Variants in LATS1 observed in about 807,000 individuals in gnomAD.
LATS1 encodes serine/threonine-protein kinase LATS1.
Under a neutral mutation model 106.6 loss-of-function variants are expected in LATS1, and 25 were observed. The observed-to-expected ratio is 0.23, with a 90% CI of 0.17 to 0.33. The LOEUF (loss-of-function observed/expected upper bound fraction) is 0.33, where lower values mean the gene tolerates loss of function less well. Ranked by LOEUF, LATS1 falls within the 10% of genes least tolerant of loss-of-function variation. The pLI is 1.00. For synonymous variants in LATS1, 465 were observed against 455.6 expected (o/e 1.02, Z -0.26); for missense variants, 1,040 against 1,382.6 (o/e 0.75, Z 3.93).
intron 7 of LATS1, 37 bp downstream of exon 7, chr6:149,676,223 T>G: frequency 7.4e-7 from 1 of 1,353,878 alleles, no homozygotes; most frequent in Non-Finnish European, 1.1e-6. Flanking sequence ...TGTAGCAACT[T>G]TGTGAGAATT....
intron 1 of LATS1, among the ~76,000 whole-genome samples, chr6:149,710,043 C>T (rs577164112): frequency 7.5e-4 from 114 of 152,290 alleles, no homozygotes; most frequent in African/African-American, 2.6e-3. Flanking sequence ...ACAACTCTTT[C>T]GACCAACTGC....
intron 7 of LATS1, among the ~76,000 whole-genome samples, chr6:149,673,220 C>T (rs902663601): frequency 4.0e-5 from 6 of 150,840 alleles, no homozygotes; most frequent in Non-Finnish European, 8.8e-5. Flanking sequence ...ACCTCAGCCT[C>T]GTGAGTAGCT....
rs763842133 is a variant in LATS1 at position 149,717,992 on chromosome 6, C to T, written c.-284G>A. On this transcript the variant is annotated 5_prime_UTR_variant, in exon 1 of 8. Coordinates refer to ENST00000543571, the MANE Select transcript of LATS1 (RefSeq NM_004690.4). ...ACGGGGGGGCTGCCGCGGGCCAGCG[C>T]GGCCCGTCCCAGGGGTCGTGAGGAC... 2.7e-5 allele frequency: 10 copies of T among 364,642 alleles called. No homozygotes were observed. The highest frequency in any genetic ancestry group is 1.8e-4 in the South Asian group (10 of 54,358). The allele number at this position is 364,642 out of a possible 1,614,324, so 22.6% of individuals were successfully genotyped here. A position where few individuals can be genotyped will look rare whatever the true frequency, so the allele number is the denominator to read the frequency against.
rs1216041544 is a variant in LATS1, at chr6:149,717,994, G to T, written c.-286C>A. On this transcript the variant is annotated 5_prime_UTR_variant, in exon 1 of 8. Coordinates refer to ENST00000543571, the MANE Select transcript of LATS1 (RefSeq NM_004690.4). Reference sequence around the variant, plus strand: ...GGGGGGGCTGCCGCGGGCCAGCGCGGCCCGTCCCAGGGGTCGTGAGGACCT... The same window carrying T: ...GGGGGGGCTGCCGCGGGCCAGCGCGTCCCGTCCCAGGGGTCGTGAGGACCT... The T allele has an allele frequency of 5.5e-6, 2 of 364,712 alleles. No homozygotes were observed. The highest frequency in any genetic ancestry group is 4.6e-5 in the Admixed American group (1 of 21,652). 22.6% of individuals were successfully genotyped at this position (364,712 alleles called of 1,614,324 possible). A position where few individuals can be genotyped will look rare whatever the true frequency, so the allele number is the denominator to read the frequency against.
At chr6:149,679,555 A>C (rs557556819) in intron 5 of LATS1, among the ~76,000 whole-genome samples, 32 of 152,122 alleles carry the variant, frequency 2.1e-4, no homozygotes, top group African/African-American at 7.5e-4. Context: ...CCATCAAAAA[A>C]AAAAAAAAAA....
At position 149,660,921 on chromosome 6, in the gene LATS1, G is replaced by A; in HGVS notation, c.*808C>T. Reference sequence around the variant, plus strand: ...AAAATAATTATCTGCTTAGGATGGTGAGAAATATTTTAGCTTTTAGTATTG... The same window carrying A: ...AAAATAATTATCTGCTTAGGATGGTAAGAAATATTTTAGCTTTTAGTATTG... On this transcript the variant is annotated 3_prime_UTR_variant, in exon 8 of 8. Coordinates refer to ENST00000543571, the MANE Select transcript of LATS1 (RefSeq NM_004690.4). The A allele has an allele frequency of 4.7e-6, 1 of 211,406 alleles. No individual in the cohort carries two copies. Among genetic ancestry groups the A allele is most frequent in the African/African-American group, 2.3e-5 (1 of 44,198 alleles). The allele number at this position is 211,406 out of a possible 1,614,324, so 13.1% of individuals were successfully genotyped here. A position where few individuals can be genotyped will look rare whatever the true frequency, so the allele number is the denominator to read the frequency against.
At chr6:149,691,564 T>C (rs1782751313) in intron 3 of LATS1, among the ~76,000 whole-genome samples, 1 of 152,192 alleles carries the variant, frequency 6.6e-6, no homozygotes, top group South Asian at 2.1e-4. Context: ...TGAAACACTC[T>C]CTTACTGTGG....
intron 1 of LATS1, among the ~76,000 whole-genome samples, chr6:149,704,380 A>G (rs1057003714): frequency 1.3e-5 from 2 of 152,160 alleles, no homozygotes; most frequent in Non-Finnish European, 2.9e-5. Flanking sequence ...CAAATTCACC[A>G]TACTGTATAC....
intron 2 of LATS1, chr6:149,697,183 C>T (rs765382922): frequency 1.6e-4 from 203 of 1,306,958 alleles, no homozygotes; most frequent in Non-Finnish European, 2.0e-4. Flanking sequence ...GACAGATGAT[C>T]CTCCTATATG....
chr6:149,680,335 T>C lies in LATS1; in HGVS notation c.2133A>G (p.Leu711=). Residue 711 remains leucine (L), a synonymous_variant, in exon 5 of 8, where the codon CTA becomes CTG. Transcript: ENST00000543571. ...DKSMFVKIKT[L]GIGAFGEVCL... is the part of the protein sequence containing the mutation. ...AGACTTCACCAAATGCTCCTATTCCTAGTGTCTTTATCTTCACAAACATAG... is the reference window on the plus strand; with the variant it reads ...AGACTTCACCAAATGCTCCTATTCCCAGTGTCTTTATCTTCACAAACATAG... 3 of 1,613,922 alleles carry C rather than the reference T, an allele frequency of 1.9e-6. No individual in the cohort carries two copies. Among genetic ancestry groups the C allele is most frequent in the Non-Finnish European group, 2.5e-6 (3 of 1,179,952 alleles).
At chr6:149,678,893 TAA>T (rs1781879170) in intron 5 of LATS1, among the ~76,000 whole-genome samples, 1 of 152,156 alleles carries the variant, frequency 6.6e-6, no homozygotes. Context: ...TCAAGGATCA[TAA>T]AGTGTTTAGG....
chr6:149,668,407 T>C (rs1039943209), intron 7 of LATS1, among the ~76,000 whole-genome samples: 5 of 150,952 alleles, frequency 3.3e-5, no homozygotes, highest in Non-Finnish European at 5.9e-5. Flanking sequence ...ACGCTAAATA[T>C]CCAGGTAAAC....
chr6:149,687,578 C>A (rs1018500483), intron 3 of LATS1, among the ~76,000 whole-genome samples: 5 of 151,496 alleles, frequency 3.3e-5, no homozygotes, highest in South Asian at 2.1e-4. Context: ...TACAGGCATG[C>A]ATCACCATGC....
In LATS1 at chr6:149,684,304, G is replaced by A. The variant is rs886941227; in HGVS notation, c.785C>T (p.Thr262Ile). The change falls in exon 4 of 8, where the codon ACT becomes ATT. Residue 262 changes from threonine to isoleucine, a missense_variant. Transcript: ENST00000543571. ...TGGTTCCCATGAAGGGGGAGGTGGA[G>A]TTGTACCTCTTGGAGGGGGAGTCTG... ...RGQTPPPRGT[T>I]PPPPSWEPNS... 37 of 1,614,002 alleles carry A rather than the reference G, an allele frequency of 2.3e-5. No individual in the cohort carries two copies. The highest frequency in any genetic ancestry group is 3.1e-5 in the Non-Finnish European group (37 of 1,180,012).
At chr6:149,677,310 C>T (rs1781774486) in intron 5 of LATS1, among the ~76,000 whole-genome samples, 1 of 152,132 alleles carries the variant, frequency 6.6e-6, no homozygotes, top group Non-Finnish European at 1.5e-5. Flanking sequence ...AAGGACTCAA[C>T]CATTTATAAA....
rs973680365 is a variant in LATS1, at chr6:149,682,957, T to A, written c.2010+122A>T. On this transcript the variant is annotated intron_variant, in intron 4 of 7. Coordinates refer to ENST00000543571, the MANE Select transcript of LATS1 (RefSeq NM_004690.4). ...AATATTTATTCACTTTTAAATTCCA[T>A]AACTGATAATATATTTTATTTAGCT... 15 of 747,904 alleles carry A rather than the reference T, an allele frequency of 2.0e-5. No individual in the cohort carries two copies. In the East Asian group the frequency reaches 4.2e-4, roughly 21 times the overall value. 46.3% of individuals were successfully genotyped at this position (747,904 alleles called of 1,614,324 possible).
At chr6:149,678,051 C>T (rs1286192533) in intron 5 of LATS1, among the ~76,000 whole-genome samples, 2 of 142,120 alleles carry the variant, frequency 1.4e-5, no homozygotes, top group Admixed American at 7.2e-5. Context: ...TGGGCGTGGT[C>T]GCTCACGCCT....
chr6:149,663,013 T>C (rs1287217597), intron 7 of LATS1, among the ~76,000 whole-genome samples: 1 of 134,884 alleles, frequency 7.4e-6, no homozygotes, highest in Non-Finnish European at 1.7e-5. Context: ...ATGAATAAAA[T>C]GAAATGATGA....
At chr6:149,703,983 C>T (rs1419361260) in intron 1 of LATS1, among the ~76,000 whole-genome samples, 2 of 152,198 alleles carry the variant, frequency 1.3e-5, no homozygotes, top group Non-Finnish European at 2.9e-5. Context: ...ATATAATATA[C>T]ATCTAAGTCA....
Sources: allele counts gnomAD v4.1 joint callset (sites outside exome capture counted in the v4.1 genomes callset), GRCh38; gene constraint gnomAD v4.1.1; transcripts MANE v1.5; gene names NCBI Gene and HGNC (gene_info 2026-07-23, HGNC 2026-07-21).